The following ADGRF3 variants were observed in gnomAD, a reference collection of about 807,000 sequenced individuals.
The protein encoded by ADGRF3 is G protein-coupled receptor 113.
In ADGRF3, 85 loss-of-function variants were observed where a neutral mutation model predicts 93.2. The ratio of observed to expected loss-of-function variants is 0.91; its 90% confidence interval spans 0.77 to 1.09. ADGRF3 has a LOEUF of 1.09. Ranked by LOEUF, ADGRF3 falls within the 50% of genes least tolerant of loss-of-function variation. The probability of loss-of-function intolerance (pLI) is 0.00; values close to 1 mark genes in which losing one functional copy is unlikely to be tolerated. For synonymous variants in ADGRF3, 534 were observed against 532.5 expected (o/e 1.00, Z -0.04); for missense variants, 1,125 against 1,246.2 (o/e 0.90, Z 1.46).
intron 1 of ADGRF3, among the ~76,000 whole-genome samples, chr2:26,333,568 C>G (rs1675879628): frequency 6.6e-6 from 1 of 150,972 alleles, no homozygotes; most frequent in African/African-American, 2.4e-5. Context: ...CTAAACAGGG[C>G]AGAGAACAAA....
Position 26,311,176 on chromosome 2 carries a change from AG to A in ADGRF3, c.2347del (p.Leu783SerfsTer62). 6.3e-7 allele frequency: 1 copy of A among 1,597,950 alleles called. No individual in the cohort carries two copies. The highest frequency in any genetic ancestry group is 1.8e-5 in the Admixed American group (1 of 56,814). Reference protein sequence around the residue: ...CLAAAFLCHFLYLATFFWMLA... With the variant: ...CLAAAFLCHFXYLATFFWMLA... ...CATCCAGAAAAAGGTGGCCAGGTAG[AG>A]GAAATGACAGAGGAAGGCGGCAGCA... On this transcript the variant is annotated frameshift_variant, in exon 10 of 14. Coordinates refer to ENST00000651242, the MANE Select transcript of ADGRF3 (RefSeq NM_001321971.2). LOFTEE classifies it high-confidence loss of function.
At chr2:26,320,714 A>G (rs1675101232) in intron 1 of ADGRF3, among the ~76,000 whole-genome samples, 1 of 152,208 alleles carries the variant, frequency 6.6e-6, no homozygotes, top group Admixed American at 6.5e-5. Flanking sequence ...GTGATAGCAA[A>G]TGAGTTGATT....
intron 1 of ADGRF3, among the ~76,000 whole-genome samples, chr2:26,336,315 AGTGT>A (rs71399385): frequency 1.7e-4 from 26 of 148,672 alleles, no homozygotes; most frequent in African/African-American, 4.7e-4. Context: ...GGAGATCAAG[AGTGT>A]GTGTGTGTGT....
chr2:26,327,581 C>A (rs765613702), intron 1 of ADGRF3, among the ~76,000 whole-genome samples: 10 of 149,116 alleles, frequency 6.7e-5, no homozygotes, highest in Non-Finnish European at 1.2e-4. Flanking sequence ...GCATTTATTT[C>A]TTACAGCTCT....
intron 1 of ADGRF3, among the ~76,000 whole-genome samples, chr2:26,321,055 A>G (rs1261518474): frequency 4.6e-5 from 7 of 152,118 alleles, no homozygotes; most frequent in African/African-American, 1.7e-4. Context: ...TTTTCTAATC[A>G]TAGACTTTTT....
Position 26,318,969 on chromosome 2 carries a change from T to C in ADGRF3, c.115-1407A>G, listed in dbSNP as rs1290688021. 3 of 1,551,602 alleles carry C rather than the reference T, an allele frequency of 1.9e-6. No homozygotes were observed. The East Asian group carries it at 7.3e-5, about 38-fold the overall frequency. On this transcript the variant is annotated intron_variant, in intron 1 of 13. Coordinates refer to ENST00000651242, the MANE Select transcript of ADGRF3 (RefSeq NM_001321971.2). The stretch of plus-strand genomic sequence containing the variant: ...GTCTCACCCCAGTCTCACTTACAGG[T>C]TGGGATGCTTGGGCAACTGGTGACC...
intron 1 of ADGRF3, among the ~76,000 whole-genome samples, chr2:26,322,672 G>A (rs927315088): frequency 1.2e-4 from 18 of 152,224 alleles, no homozygotes; most frequent in East Asian, 1.2e-3. Context: ...GCCTAGCACC[G>A]TGCATTGGAG....
At chr2:26,339,170 T>C (rs952270143) in intron 1 of ADGRF3, among the ~76,000 whole-genome samples, 9 of 149,528 alleles carry the variant, frequency 6.0e-5, no homozygotes, top group Admixed American at 6.0e-4. Context: ...AATGAAGTTG[T>C]TACTTTTGTA....
intron 1 of ADGRF3, among the ~76,000 whole-genome samples, chr2:26,343,122 TACA>T (rs1248233149): frequency 6.6e-6 from 1 of 152,182 alleles, no homozygotes; most frequent in Non-Finnish European, 1.5e-5. Flanking sequence ...TGCCTTGTGT[TACA>T]ACATTTTGAC....
At chr2:26,317,466 C>T (rs756432340) in intron 2 of ADGRF3, 30 bp downstream of exon 2, 5 of 1,566,574 alleles carry the variant, frequency 3.2e-6, no homozygotes, top group South Asian at 1.2e-5. Context: ...ATCTCCTCCC[C>T]CTCCCTCCTC....
At chr2:26,309,886 C>G in intron 12 of ADGRF3, 157 bp downstream of exon 12, 1 of 1,533,928 alleles carries the variant, frequency 6.5e-7, no homozygotes, top group Non-Finnish European at 8.8e-7. Context: ...GCTCATTCCA[C>G]TGGTGGGGAG....
At position 26,313,761 on chromosome 2, in the gene ADGRF3, C is replaced by G. The variant is rs145551874; in HGVS notation, c.1071G>C (p.Gln357His). The change falls in exon 7 of 14, where the codon CAG (glutamine) becomes CAC (histidine). Residue 357 changes from glutamine to histidine, a missense_variant and splice_region_variant. Physicochemically the swap from Gln to His is conservative, Grantham distance 24. Coordinates refer to ENST00000651242, the MANE Select transcript of ADGRF3 (RefSeq NM_001321971.2). ...CACTGGGCCCCAGGCCCTGCGTACC[C>G]TGGATGATGGTGATGGAGATGGGGA... The part of the protein sequence containing the change: ...LRVPISITII[Q>H]DGDITCPEDA... 3.2e-4 allele frequency: 509 copies of G among 1,613,760 alleles called. No individual in the cohort carries two copies. Among genetic ancestry groups the G allele is most frequent in the Non-Finnish European group, 4.1e-4 (483 of 1,179,878 alleles).
intron 9 of ADGRF3, 131 bp downstream of exon 9, chr2:26,312,812 G>A (rs1674299425): frequency 3.9e-6 from 3 of 768,816 alleles, no homozygotes; most frequent in East Asian, 2.7e-5. Flanking sequence ...TCAGGAGCAG[G>A]CCCCTGGACT....
At chr2:26,317,390 C>T (rs1419879610) in intron 2 of ADGRF3, 106 bp downstream of exon 2, 1 of 1,086,226 alleles carries the variant, frequency 9.2e-7, no homozygotes, top group Non-Finnish European at 1.4e-6. Flanking sequence ...CTCTCCGCCA[C>T]CACTCCCTCG....
Position 26,317,496 on chromosome 2 carries a change from C to G in ADGRF3, c.181G>C (p.Glu61Gln), listed in dbSNP as rs779354637. ...QLLDQENGAG[E>Q]SALVSVYVHL... ...CTCCTCCTCCTGTCCATACACTCACCCCCTGCTCCATTCTCTTGGTCCAGG... is the reference window on the plus strand; with the variant it reads ...CTCCTCCTCCTGTCCATACACTCACGCCCTGCTCCATTCTCTTGGTCCAGG... Residue 61 changes from glutamate to glutamine, a missense_variant and splice_region_variant, in exon 2 of 14, where the codon GAA becomes CAA. Coordinates refer to ENST00000651242, the MANE Select transcript of ADGRF3 (RefSeq NM_001321971.2). The G allele has an allele frequency of 1.2e-5, 19 of 1,590,096 alleles. No homozygotes were observed. The South Asian group carries it at 1.7e-4, about 14-fold the overall frequency.
intron 5 of ADGRF3, among the ~76,000 whole-genome samples, chr2:26,314,986 T>G (rs976802536): frequency 3.9e-5 from 6 of 152,254 alleles, no homozygotes; most frequent in Non-Finnish European, 8.8e-5. Context: ...TGTGGAGAAT[T>G]GTAGTATTTT....
At chr2:26,317,716 G>T (rs1487990344) in intron 1 of ADGRF3, among the ~76,000 whole-genome samples, 154 bp from the exon 2 acceptor site, 1 of 152,222 alleles carries the variant, frequency 6.6e-6, no homozygotes, top group Non-Finnish European at 1.5e-5. Context: ...GCAGGCTTCT[G>T]TTAGGGGGTG....
At chr2:26,345,549 G>A (rs1181588007) in intron 1 of ADGRF3, among the ~76,000 whole-genome samples, 1 of 152,138 alleles carries the variant, frequency 6.6e-6, no homozygotes, top group Non-Finnish European at 1.5e-5. Context: ...ACCGCACAAA[G>A]ACTCCCGTGG....
chr2:26,309,246 A>G, intron 13 of ADGRF3, 139 bp from the exon 14 acceptor site: 5 of 1,593,358 alleles, frequency 3.1e-6, no homozygotes, highest in Non-Finnish European at 4.3e-6. Context: ...GATAATGTGA[A>G]AAGGAATTTT....
Sources: allele counts gnomAD v4.1 joint callset (sites outside exome capture counted in the v4.1 genomes callset), GRCh38; gene constraint gnomAD v4.1.1; transcripts MANE v1.5; gene names NCBI Gene and HGNC (gene_info 2026-07-23, HGNC 2026-07-21).